The following PRKCA variants were observed in gnomAD, a reference collection of about 807,000 sequenced individuals.
PRKCA encodes protein kinase C alpha.
In PRKCA, 27 loss-of-function variants were observed where a neutral mutation model predicts 87.0. The ratio of observed to expected loss-of-function variants is 0.31; its 90% CI spans 0.23 to 0.43. The LOEUF is 0.43. Among genes scored for constraint, PRKCA ranks in the 20% least tolerant of loss-of-function variants. PRKCA has a pLI of 1.00. For missense variants in PRKCA, 518 were observed against 852.3 expected (o/e 0.61, Z 4.88); for synonymous variants, 329 against 311.1 (o/e 1.06, Z -0.61).
At chr17:66,569,068 A>G (rs1270013043) in intron 3 of PRKCA, among the ~76,000 whole-genome samples, 3 of 152,236 alleles carry the variant, frequency 2.0e-5, no homozygotes, top group Non-Finnish European at 4.4e-5. Flanking sequence ...ATTGTAAAAC[A>G]ATAAATGTTC....
At chr17:66,375,705 C>T (rs1909379592) in intron 2 of PRKCA, among the ~76,000 whole-genome samples, 1 of 152,070 alleles carries the variant, frequency 6.6e-6, no homozygotes, top group South Asian at 2.1e-4. Flanking sequence ...TTTTACACTT[C>T]AGGTCATCTA....
chr17:66,805,013 T>G lies in PRKCA; in HGVS notation c.*976T>G. 1 of 985,194 alleles carries G rather than the reference T, an allele frequency of 1.0e-6. No homozygotes were observed. Among genetic ancestry groups the G allele is most frequent in the Non-Finnish European group, 1.2e-6 (1 of 829,520 alleles). The allele number at this position is 985,194 out of a possible 1,614,324, so 61.0% of individuals were successfully genotyped here. A position where few individuals can be genotyped will look rare whatever the true frequency, so the allele number is the denominator to read the frequency against. On this transcript the variant is annotated 3_prime_UTR_variant, in exon 17 of 17. Transcript: ENST00000413366. ...TTTTGTGCTTATTTATTTAATAGGC[T>G]GCAGTGTCGCTTATGAAAGTACGAT...
At position 66,347,941 on chromosome 17, in the gene PRKCA, C is replaced by CTTTT. The variant is rs57292153; in HGVS notation, c.205+41830_205+41833dup. Among the ~76,000 whole-genome samples, 43 of 56,448 alleles carry CTTTT rather than the reference C, an allele frequency of 7.6e-4. 7 individuals are homozygous for CTTTT. Among genetic ancestry groups the CTTTT allele is most frequent in the Non-Finnish European group, 1.0e-3 (31 of 30,408 alleles). The allele number at this position is 56,448 out of a possible 152,430, so 37.0% of individuals were successfully genotyped here. ...AGAATATTTACTCAGAATTCTGAAC[C>CTTTT]TTTTTTTTTTTTTTTTTTTGAGACA... On this transcript the variant is annotated intron_variant, in intron 2 of 16. Coordinates refer to ENST00000413366, the MANE Select transcript of PRKCA (RefSeq NM_002737.3).
chr17:66,566,826 G>A (rs1289598152), intron 3 of PRKCA, among the ~76,000 whole-genome samples: 1 of 152,126 alleles, frequency 6.6e-6, no homozygotes, highest in Non-Finnish European at 1.5e-5. Flanking sequence ...CACAGCCTCC[G>A]AGTAAGTCCA....
intron 10 of PRKCA, among the ~76,000 whole-genome samples, chr17:66,737,063 A>G (rs1974048926): frequency 6.6e-6 from 1 of 152,138 alleles, no homozygotes; most frequent in Non-Finnish European, 1.5e-5. Flanking sequence ...CCTACAAGAA[A>G]CAGACATGGC....
chr17:66,712,608 T>G (rs1277621485), intron 8 of PRKCA, among the ~76,000 whole-genome samples: 1 of 152,058 alleles, frequency 6.6e-6, no homozygotes, highest in African/African-American at 2.4e-5. Flanking sequence ...CCTGTCCCCT[T>G]CTCCTTAAAG....
chr17:66,395,226 A>G (rs1698342683), intron 2 of PRKCA, among the ~76,000 whole-genome samples: 1 of 152,170 alleles, frequency 6.6e-6, no homozygotes, highest in African/African-American at 2.4e-5. Flanking sequence ...TCTAAAGAAG[A>G]TAAACAATGT....
chr17:66,401,158 C>T (rs985986177), intron 2 of PRKCA, among the ~76,000 whole-genome samples: 9 of 152,102 alleles, frequency 5.9e-5, no homozygotes, highest in African/African-American at 1.4e-4. Flanking sequence ...TTTGTAGGAA[C>T]GGGCAAATGA....
chr17:66,422,551 G>A (rs1181138691), intron 2 of PRKCA, among the ~76,000 whole-genome samples: 3 of 152,144 alleles, frequency 2.0e-5, no homozygotes, highest in East Asian at 3.9e-4. Flanking sequence ...GCCCAGAAGG[G>A]CAGTGAGGAT....
At chr17:66,630,454 A>G (rs966998835) in intron 3 of PRKCA, among the ~76,000 whole-genome samples, 2 of 152,176 alleles carry the variant, frequency 1.3e-5, no homozygotes, top group African/African-American at 4.8e-5. Flanking sequence ...AGCATCCCCA[A>G]CCTAGGGTCA....
chr17:66,524,404 T>C (rs2072830583), intron 3 of PRKCA, among the ~76,000 whole-genome samples: 1 of 152,230 alleles, frequency 6.6e-6, no homozygotes. Flanking sequence ...TTACTGTTGT[T>C]TTGGGAGACT....
At chr17:66,705,555 T>C (rs1256584670) in intron 8 of PRKCA, among the ~76,000 whole-genome samples, 2 of 152,246 alleles carry the variant, frequency 1.3e-5, no homozygotes, top group African/African-American at 4.8e-5. Context: ...ATAAAAGCCC[T>C]GTGTCTTGTA....
chr17:66,556,706 G>A (rs113623642), intron 3 of PRKCA, among the ~76,000 whole-genome samples: 331 of 152,162 alleles, frequency 2.2e-3, no homozygotes, highest in Non-Finnish European at 3.6e-3. Context: ...GTTTTATAAG[G>A]GGCTTCCCCC....
chr17:66,752,633 G>A (rs1171826757), intron 13 of PRKCA, among the ~76,000 whole-genome samples: 1 of 152,190 alleles, frequency 6.6e-6, no homozygotes, highest in Non-Finnish European at 1.5e-5. Flanking sequence ...CTTGGAGCCA[G>A]GGCCTCCATC....
chr17:66,587,895 G>GTATATATATATATATATA (rs71160580), intron 3 of PRKCA, among the ~76,000 whole-genome samples: 3 of 85,392 alleles, frequency 3.5e-5, no homozygotes, highest in South Asian at 4.5e-4. Context: ...GTGTGTGTGT[G>GTATATATATATATATATA]TATATATATA....
At chr17:66,484,981 A>G (rs1415454263) in intron 2 of PRKCA, among the ~76,000 whole-genome samples, 1 of 142,258 alleles carries the variant, frequency 7.0e-6, no homozygotes, top group Non-Finnish European at 1.6e-5. Context: ...AAGGAAAAGC[A>G]GGAGATAAAG....
At chr17:66,747,224 C>A (rs1370599525) in intron 13 of PRKCA, among the ~76,000 whole-genome samples, 1 of 152,146 alleles carries the variant, frequency 6.6e-6, no homozygotes, top group Non-Finnish European at 1.5e-5. Flanking sequence ...CATGTGCCAC[C>A]ACGCCTGCTA....
At chr17:66,364,246 C>T (rs1908567240) in intron 2 of PRKCA, 1 of 152,202 alleles carries the variant, frequency 6.6e-6, no homozygotes, top group Non-Finnish European at 1.5e-5. Context: ...TCAAGACTCC[C>T]ATGCTGATCA....
intron 3 of PRKCA, among the ~76,000 whole-genome samples, chr17:66,624,536 C>T (rs899395169): frequency 5.9e-5 from 9 of 152,116 alleles, no homozygotes; most frequent in African/African-American, 2.2e-4. Flanking sequence ...CGTGGTGGCT[C>T]ACACTTGTAA....
Sources: allele counts gnomAD v4.1 joint callset (sites outside exome capture counted in the v4.1 genomes callset), GRCh38; gene constraint gnomAD v4.1.1; transcripts MANE v1.5; gene names NCBI Gene and HGNC (gene_info 2026-07-23, HGNC 2026-07-21).